The following CRISPLD2 variants were observed in gnomAD, a reference collection of about 807,000 sequenced individuals.
CRISPLD2 encodes the protein cysteine-rich secretory protein LCCL domain-containing 2.
Under a neutral mutation model 71.1 loss-of-function variants are expected in CRISPLD2, and 47 were observed. That is an observed-to-expected ratio of 0.66 (90% CI 0.52 to 0.84). CRISPLD2 has a LOEUF of 0.84. Ranked by LOEUF, CRISPLD2 falls within the 40% of genes least tolerant of loss-of-function variation. CRISPLD2 has a pLI of 0.00. For synonymous variants in CRISPLD2, 317 were observed against 250.1 expected (o/e 1.27, Z -2.52); for missense variants, 830 against 651.1 (o/e 1.27, Z -2.99).
chr16:84,877,892 A>T lies in CRISPLD2; in HGVS notation c.1229+382A>T, dbSNP rs2244574. Reference sequence around the variant, plus strand: ...ATTAAAAATCAGCTTTATTGAGGTAAATGATACGATCCACCCATTAGAAGT... The same window carrying T: ...ATTAAAAATCAGCTTTATTGAGGTATATGATACGATCCACCCATTAGAAGT... On this transcript the variant is annotated intron_variant, in intron 12 of 14. Coordinates refer to ENST00000262424, the MANE Select transcript of CRISPLD2 (RefSeq NM_031476.4). Among the ~76,000 whole-genome samples the T allele has an allele frequency of 7.2e-3, 1,080 of 151,006 alleles. 22 individuals are homozygous for T. The highest frequency in any genetic ancestry group is 0.025 in the African/African-American group (1,041 of 41,162).
chr16:84,848,289 T>C (rs925682954), intron 3 of CRISPLD2, among the ~76,000 whole-genome samples: 3 of 152,222 alleles, frequency 2.0e-5, no homozygotes, highest in African/African-American at 7.2e-5. Flanking sequence ...TGCGCTCCGC[T>C]TCCAGACAGT....
At chr16:84,874,389 TGAAGG>T (rs1236792502) in intron 11 of CRISPLD2, among the ~76,000 whole-genome samples, 1 of 152,180 alleles carries the variant, frequency 6.6e-6, no homozygotes, top group African/African-American at 2.4e-5. Flanking sequence ...GAGAGGGAAG[TGAAGG>T]GAAGTGTGTG....
chr16:84,894,585 T>G (rs897424943), intron 14 of CRISPLD2, among the ~76,000 whole-genome samples: 1 of 152,184 alleles, frequency 6.6e-6, no homozygotes, highest in African/African-American at 2.4e-5. Context: ...GCAGCAGAGA[T>G]ATGATGTGAG....
At chr16:84,827,389 T>G (rs1331559065) in intron 1 of CRISPLD2, among the ~76,000 whole-genome samples, 2 of 151,506 alleles carry the variant, frequency 1.3e-5, no homozygotes, top group African/African-American at 4.9e-5. Context: ...AAACCAAGAG[T>G]CCTCACCGTG....
chr16:84,858,654 A>G (rs1917304355), intron 6 of CRISPLD2, among the ~76,000 whole-genome samples: 1 of 152,230 alleles, frequency 6.6e-6, no homozygotes, highest in African/African-American at 2.4e-5. Context: ...GCAGAAGCGA[A>G]AGCAATCAAG....
chr16:84,853,727 C>T (rs1917153834), intron 5 of CRISPLD2, among the ~76,000 whole-genome samples: 1 of 152,242 alleles, frequency 6.6e-6, no homozygotes, highest in Admixed American at 6.5e-5. Flanking sequence ...TGGATTTCCC[C>T]AACGCTCAGA....
rs538046221 is a variant in CRISPLD2, at chr16:84,848,353, T to A, written c.360-1032T>A. ...ACGACCACATGGCCCTTAAAAATGG[T>A]CATTTCCCCCGTGAGCATTTTCTCT... On this transcript the variant is annotated intron_variant, in intron 3 of 14. Transcript: ENST00000262424. Among the ~76,000 whole-genome samples the A allele has an allele frequency of 7.2e-5, 11 of 152,138 alleles. No individual in the cohort carries two copies. The South Asian group carries it at 1.9e-3, about 26-fold the overall frequency.
chr16:84,824,436 A>T (rs1227489269), intron 1 of CRISPLD2, among the ~76,000 whole-genome samples: 1 of 152,200 alleles, frequency 6.6e-6, no homozygotes, highest in African/African-American at 2.4e-5. Context: ...GTGACTGAGC[A>T]CGGGCACAGA....
At chr16:84,849,166 G>C (rs894228569) in intron 3 of CRISPLD2, 2 of 534,188 alleles carry the variant, frequency 3.7e-6, no homozygotes, top group Non-Finnish European at 6.8e-6. Flanking sequence ...CCCCCACCTC[G>C]GCCTCCCTCC....
chr16:84,879,404 C>A (rs1212822191), intron 12 of CRISPLD2, among the ~76,000 whole-genome samples: 172 of 149,354 alleles, frequency 1.2e-3, no homozygotes, highest in Non-Finnish European at 1.6e-4. Flanking sequence ...CTCTTGTTGC[C>A]CAGGTTGGAG....
chr16:84,864,458 G>T (rs1221258282), intron 6 of CRISPLD2, among the ~76,000 whole-genome samples: 2 of 152,182 alleles, frequency 1.3e-5, no homozygotes, highest in African/African-American at 2.4e-5. Flanking sequence ...TTATTCTCCA[G>T]CCAGCTCCCG....
chr16:84,850,633 G>A lies in CRISPLD2; in HGVS notation c.558G>A (p.Trp186Ter). 6.2e-7 allele frequency: 1 copy of A among 1,614,130 alleles called. No individual in the cohort carries two copies. Among genetic ancestry groups the A allele is most frequent in the South Asian group, 1.1e-5 (1 of 91,076 alleles). Residue 186 changes from tryptophan to a stop codon, truncating the protein, a stop_gained, in exon 5 of 15, where the codon TGG becomes TGA. Coordinates refer to ENST00000262424, the MANE Select transcript of CRISPLD2 (RefSeq NM_031476.4). LOFTEE classifies it high-confidence loss of function. ...ACACCTGCCGGAAGATGACTGTCTG[G>A]GGAGAAGTTTGGGAGAACGCGGTCT... ...AVNTCRKMTV[W>*]GEVWENAVYF... is the part of the protein sequence containing the mutation.
At position 84,831,442 on chromosome 16, in the gene CRISPLD2, G is replaced by A. The variant is rs7201583; in HGVS notation, c.-74-6980G>A. On this transcript the variant is annotated intron_variant, in intron 1 of 14. Coordinates refer to ENST00000262424, the MANE Select transcript of CRISPLD2 (RefSeq NM_031476.4). ...TCCTTTTTTCTTTTGAGATAGAGTC[G>A]CCCAGGCTGGAAAGCAGTAGCACGA... 4.7e-3 allele frequency among the ~76,000 whole-genome samples: 719 copies of A among 152,044 alleles called. 4 individuals carry two copies. The highest frequency in any genetic ancestry group is 0.016 in the African/African-American group (661 of 41,464).
At chr16:84,894,441 C>T (rs1005804215) in intron 14 of CRISPLD2, among the ~76,000 whole-genome samples, 17 of 152,262 alleles carry the variant, frequency 1.1e-4, no homozygotes, top group African/African-American at 3.9e-4. Context: ...TATATGGGTG[C>T]ACAGCCATCT....
chr16:84,878,926 C>G (rs894985485), intron 12 of CRISPLD2, among the ~76,000 whole-genome samples: 1 of 152,230 alleles, frequency 6.6e-6, no homozygotes, highest in African/African-American at 2.4e-5. Context: ...GGTTGAAATG[C>G]TTTGAGGATG....
In CRISPLD2 at chr16:84,850,550, C is replaced by G. The variant is rs1349900933; in HGVS notation, c.493-18C>G. On this transcript the variant is annotated intron_variant, in intron 4 of 14. Transcript: ENST00000262424. ...GCCTTATCCCTCGAGCTGTGACACA[C>G]AAATGTCATCTTTTCAGATAGTTTG... is the stretch of plus-strand genomic sequence containing the variant. The G allele has an allele frequency of 1.2e-5, 20 of 1,607,528 alleles. No homozygotes were observed. Among genetic ancestry groups the G allele is most frequent in the Non-Finnish European group, 1.6e-5 (19 of 1,174,148 alleles).
intron 1 of CRISPLD2, among the ~76,000 whole-genome samples, chr16:84,826,074 G>A (rs1441084096): frequency 6.6e-6 from 1 of 152,210 alleles, no homozygotes; most frequent in East Asian, 1.9e-4. Context: ...GCAGTCTGTT[G>A]TAACAAAGCA....
At chr16:84,903,891 G>A (rs1238134625) in intron 14 of CRISPLD2, among the ~76,000 whole-genome samples, 1 of 152,212 alleles carries the variant, frequency 6.6e-6, no homozygotes, top group Admixed American at 6.5e-5. Context: ...GCCTGGGACC[G>A]CTCCTGTTCA....
At chr16:84,887,559 C>T (rs889928375) in intron 13 of CRISPLD2, among the ~76,000 whole-genome samples, 2 of 152,224 alleles carry the variant, frequency 1.3e-5, no homozygotes, top group African/African-American at 2.4e-5. Flanking sequence ...TGGTGTCATT[C>T]TCCTGGGGAT....
Sources: gnomAD v4.1 joint callset for allele counts (sites outside exome capture counted in the v4.1 genomes callset) on GRCh38, gnomAD v4.1.1 for gene constraint, MANE v1.5 for transcripts, NCBI Gene and HGNC (gene_info 2026-07-23, HGNC 2026-07-21) for gene names.